Variants in RYR3 observed in about 807,000 individuals in gnomAD.
The protein encoded by RYR3 is brain ryanodine receptor-calcium release channel.
RYR3 carries 207 observed loss-of-function variants against 584.3 expected under a neutral mutation model. The observed-to-expected ratio is 0.35, with a 90% CI of 0.32 to 0.40. The LOEUF (loss-of-function observed/expected upper bound fraction) is 0.40. RYR3 is among the 10% of genes least tolerant of loss of function. The pLI is 1.00. For synonymous variants in RYR3, 2,416 were observed against 2,248.5 expected (o/e 1.07, Z -2.11); for missense variants, 5,616 against 6,089.2 (o/e 0.92, Z 2.59).
At chr15:33,490,151 C>CAAGG (rs1333501649) in intron 2 of RYR3, among the ~76,000 whole-genome samples, 4 of 152,202 alleles carry the variant, frequency 2.6e-5, no homozygotes, top group Admixed American at 2.6e-4. Context: ...GTTCCTAACT[C>CAAGG]AAGGCATTCC....
chr15:33,857,692 T>C (rs2079838686), intron 98 of RYR3, 88 bp from the exon 99 acceptor site: 1 of 1,537,512 alleles, frequency 6.5e-7, no homozygotes, highest in African/African-American at 1.4e-5. Context: ...TCCTCACTCT[T>C]CCTCCTCGTT....
intron 5 of RYR3, among the ~76,000 whole-genome samples, chr15:33,537,505 C>G (rs1182374426): frequency 6.7e-6 from 1 of 150,300 alleles, no homozygotes; most frequent in Non-Finnish European, 1.5e-5. Flanking sequence ...CTTCACAAGT[C>G]ATACACACTT....
chr15:33,679,654 G>T (rs1023842286), intron 38 of RYR3, among the ~76,000 whole-genome samples: 1 of 152,124 alleles, frequency 6.6e-6, no homozygotes, highest in African/African-American at 2.4e-5. Flanking sequence ...CTTGCCCAAG[G>T]TCACATAGCC....
chr15:33,663,863 C>T (rs547935119), intron 36 of RYR3, 126 bp downstream of exon 36: 1 of 750,226 alleles, frequency 1.3e-6, no homozygotes, highest in Non-Finnish European at 2.2e-6. Context: ...AAAAGACCCA[C>T]TGCAATACCA....
intron 1 of RYR3, among the ~76,000 whole-genome samples, chr15:33,387,111 C>A (rs2041660821): frequency 6.6e-6 from 1 of 152,172 alleles, no homozygotes; most frequent in Admixed American, 6.5e-5. Flanking sequence ...CCTGCCTCAG[C>A]CTCCCAAAGT....
intron 1 of RYR3, among the ~76,000 whole-genome samples, chr15:33,375,881 A>G (rs1368535845): frequency 1.3e-5 from 2 of 152,082 alleles, no homozygotes; most frequent in Non-Finnish European, 2.9e-5. Context: ...TGGCTAACAC[A>G]GTGAAACCCC....
chr15:33,756,166 AAGTACTTTG>A, intron 58 of RYR3, 131 bp from the exon 59 acceptor site: 1 of 689,768 alleles, frequency 1.4e-6, no homozygotes, highest in Admixed American at 2.2e-5. Context: ...GACAGTTGTA[AAGTACTTTG>A]TAAGATATAT....
chr15:33,336,055 G>C (rs1478333761), intron 1 of RYR3, among the ~76,000 whole-genome samples: 1 of 152,020 alleles, frequency 6.6e-6, no homozygotes, highest in Non-Finnish European at 1.5e-5. Flanking sequence ...TTTAGCCTGG[G>C]TCCTCCAAAA....
intron 98 of RYR3, among the ~76,000 whole-genome samples, chr15:33,857,347 C>G (rs1387243162): frequency 6.6e-6 from 1 of 152,082 alleles, no homozygotes; most frequent in Non-Finnish European, 1.5e-5. Context: ...GTGCCTGTGT[C>G]TAGCCTCTCT....
chr15:33,700,829 C>T (rs547041702), intron 41 of RYR3, 148 bp from the exon 42 acceptor site: 15 of 525,298 alleles, frequency 2.9e-5, no homozygotes, highest in African/African-American at 1.7e-4. Flanking sequence ...TTAATGCAAG[C>T]GGACTGTCCC....
chr15:33,668,067 A>G (rs931744292), intron 36 of RYR3, among the ~76,000 whole-genome samples: 2 of 151,226 alleles, frequency 1.3e-5, no homozygotes, highest in African/African-American at 4.9e-5. Context: ...AGTCTTGAAA[A>G]AAAAAAAAAA....
At chr15:33,755,616 AAAAC>A (rs920886490) in intron 58 of RYR3, among the ~76,000 whole-genome samples, 12 of 148,252 alleles carry the variant, frequency 8.1e-5, no homozygotes, top group East Asian at 1.9e-4. Context: ...ATTCTATCTC[AAAAC>A]AAACAAACAA....
Position 33,679,459 on chromosome 15 carries a change from G to T in RYR3, c.5860+8903G>T, listed in dbSNP as rs548835065. Among the ~76,000 whole-genome samples, 7 of 152,286 alleles carry T rather than the reference G, an allele frequency of 4.6e-5. No individual in the cohort carries two copies. In the South Asian group the frequency reaches 1.5e-3, roughly 32 times the overall value. ...CATCAAAATAGGGCATTAAAATGTG[G>T]TGGTAAAATTCTTGATGCTCATTAA... On this transcript the variant is annotated intron_variant, in intron 38 of 103. Coordinates refer to ENST00000634891, the MANE Select transcript of RYR3 (RefSeq NM_001036.6).
intron 2 of RYR3, among the ~76,000 whole-genome samples, chr15:33,481,385 T>C (rs2049949944): frequency 6.6e-6 from 1 of 152,232 alleles, no homozygotes; most frequent in Non-Finnish European, 1.5e-5. Context: ...GTTCTTCTGT[T>C]TCTCCTTTTT....
At chr15:33,723,283 A>G (rs1486425051) in intron 44 of RYR3, among the ~76,000 whole-genome samples, 1 of 152,224 alleles carries the variant, frequency 6.6e-6, no homozygotes, top group Non-Finnish European at 1.5e-5. Context: ...TTGTAAAAAC[A>G]GATAGTGCCT....
In RYR3 at chr15:33,822,251, C is replaced by T. The variant is rs77706744; in HGVS notation, c.10995+649C>T. On this transcript the variant is annotated intron_variant, in intron 80 of 103. Coordinates refer to ENST00000634891, the MANE Select transcript of RYR3 (RefSeq NM_001036.6). Reference sequence around the variant, plus strand: ...CAGGCTGCAGAAGACAGGAACATACCGGTGTTTCTCAGGCACTCCGGGTTC... The same window carrying T: ...CAGGCTGCAGAAGACAGGAACATACTGGTGTTTCTCAGGCACTCCGGGTTC... 2.6e-5 allele frequency among the ~76,000 whole-genome samples: 4 copies of T among 152,292 alleles called. No individual in the cohort carries two copies. In the East Asian group the frequency reaches 5.8e-4, roughly 22 times the overall value.
At chr15:33,410,744 C>G (rs1007688058) in intron 1 of RYR3, among the ~76,000 whole-genome samples, 3 of 152,178 alleles carry the variant, frequency 2.0e-5, no homozygotes, top group Admixed American at 6.5e-5. Flanking sequence ...CGAGAGGAAC[C>G]ATGGACGCTG....
At chr15:33,345,567 C>G (rs1972352580) in intron 1 of RYR3, among the ~76,000 whole-genome samples, 1 of 152,052 alleles carries the variant, frequency 6.6e-6, no homozygotes, top group South Asian at 2.1e-4. Flanking sequence ...AGTGTTCATT[C>G]TAGACCAGCC....
rs781548023 is a variant in RYR3, at chr15:33,818,568, G to A, written c.10600-10G>A. On this transcript the variant is annotated splice_polypyrimidine_tract_variant and intron_variant, in intron 75 of 103. Coordinates refer to ENST00000634891, the MANE Select transcript of RYR3 (RefSeq NM_001036.6). Reference sequence around the variant, plus strand: ...TCATGCCTAAAACCTATCTGTGTTGGTTTGTGTAGAAATCTCCAAAGGTGG... The same window carrying A: ...TCATGCCTAAAACCTATCTGTGTTGATTTGTGTAGAAATCTCCAAAGGTGG... 1 of 1,603,986 alleles carries A rather than the reference G, an allele frequency of 6.2e-7. No individual in the cohort carries two copies. The highest frequency in any genetic ancestry group is 2.2e-5 in the East Asian group (1 of 44,834).
Sources: gnomAD v4.1 joint callset for allele counts (sites outside exome capture counted in the v4.1 genomes callset) on GRCh38, gnomAD v4.1.1 for gene constraint, MANE v1.5 for transcripts, NCBI Gene and HGNC (gene_info 2026-07-23, HGNC 2026-07-21) for gene names.